CMTM4: variants seen among roughly 807,000 people sequenced by gnomAD.
CMTM4 encodes the protein CKLF-like MARVEL transmembrane domain-containing protein 4.
In CMTM4, 8 loss-of-function variants were observed where a neutral mutation model predicts 19.0. That is an observed-to-expected ratio of 0.42 (90% CI 0.25 to 0.76). The LOEUF is 0.76. CMTM4 is among the 30% of genes least tolerant of loss of function. The probability of loss-of-function intolerance (pLI) is 0.27; values close to 1 mark genes in which losing one functional copy is unlikely to be tolerated. For missense variants in CMTM4, 228 were observed against 290.2 expected, an observed-to-expected ratio of 0.79 and a Z score of 1.56; for synonymous variants, 106 against 121.1, an observed-to-expected ratio of 0.88 and a Z score of 0.82.
intron 1 of CMTM4, among the ~76,000 whole-genome samples, chr16:66,689,208 TG>T (rs946004109): frequency 1.3e-5 from 2 of 152,230 alleles, no homozygotes; most frequent in Non-Finnish European, 1.5e-5. Context: ...TTTCCCATCA[TG>T]GGGGAAAGCA....
chr16:66,663,482 T>C (rs1380354492), intron 1 of CMTM4, among the ~76,000 whole-genome samples: 2 of 148,436 alleles, frequency 1.3e-5, no homozygotes, highest in African/African-American at 4.9e-5. Context: ...ATCCAGCCCA[T>C]CCATTTTTAT....
chr16:66,662,195 T>G (rs1284081156), intron 1 of CMTM4, among the ~76,000 whole-genome samples: 2 of 152,230 alleles, frequency 1.3e-5, no homozygotes, highest in Non-Finnish European at 2.9e-5. Flanking sequence ...CACTGAATGC[T>G]GCTATCAAAC....
chr16:66,676,931 C>T (rs527701703), intron 1 of CMTM4, among the ~76,000 whole-genome samples: 11 of 152,304 alleles, frequency 7.2e-5, no homozygotes, highest in Admixed American at 3.9e-4. Flanking sequence ...AGTGCTTCAT[C>T]GCAGGACACC....
At chr16:66,655,518 C>CAT (rs1483527354) in intron 1 of CMTM4, among the ~76,000 whole-genome samples, 1 of 147,922 alleles carries the variant, frequency 6.8e-6, no homozygotes, top group African/African-American at 2.5e-5. Flanking sequence ...AGGACAGAAA[C>CAT]GTGTGTGTGT....
In CMTM4 at chr16:66,620,212, A is replaced by G; in HGVS notation, c.*1846T>C. 2.0e-6 allele frequency: 2 copies of G among 985,398 alleles called. No individual in the cohort carries two copies. Among genetic ancestry groups the G allele is most frequent in the Non-Finnish European group, 2.4e-6 (2 of 829,934 alleles). The allele number at this position is 985,398 out of a possible 1,614,324, so 61.0% of individuals were successfully genotyped here. A position where few individuals can be genotyped will look rare whatever the true frequency, so the allele number is the denominator to read the frequency against. ...TGCAAGGCTGAGCCTTTGTGGCCCTATTTTAAAAGGAACTCTCAAAGAGAG... is the reference window on the plus strand; with the variant it reads ...TGCAAGGCTGAGCCTTTGTGGCCCTGTTTTAAAAGGAACTCTCAAAGAGAG... On this transcript the variant is annotated 3_prime_UTR_variant, in exon 4 of 4. Coordinates refer to ENST00000394106, the MANE Select transcript of CMTM4 (RefSeq NM_181521.3).
chr16:66,615,754 G>C lies in CMTM4; in HGVS notation c.*6304C>G, dbSNP rs1243991274. Reference sequence around the variant, plus strand: ...GCCCAAACCACAGGGGAAGGAGCCGGACACCGGCCTCTCACCATTTTACAC... The same window carrying C: ...GCCCAAACCACAGGGGAAGGAGCCGCACACCGGCCTCTCACCATTTTACAC... On this transcript the variant is annotated 3_prime_UTR_variant, in exon 4 of 4. Coordinates refer to ENST00000394106, the MANE Select transcript of CMTM4 (RefSeq NM_181521.3). The surrounding 1 kb of genome is among the most constrained non-coding windows in gnomAD (Gnocchi z 4.9). The C allele has an allele frequency of 6.6e-6, 1 of 152,236 alleles. No homozygotes were observed. Among genetic ancestry groups the C allele is most frequent in the African/African-American group, 2.4e-5 (1 of 41,450 alleles). The allele number at this position is 152,236 out of a possible 1,614,324, so 9.4% of individuals were successfully genotyped here.
At chr16:66,675,387 G>A (rs2016792295) in intron 1 of CMTM4, among the ~76,000 whole-genome samples, 1 of 145,622 alleles carries the variant, frequency 6.9e-6, no homozygotes, top group African/African-American at 2.5e-5. Context: ...CCAACAGCCA[G>A]AATTTTAACA....
At chr16:66,680,156 C>G (rs1209290206) in intron 1 of CMTM4, among the ~76,000 whole-genome samples, 1 of 152,176 alleles carries the variant, frequency 6.6e-6, no homozygotes, top group Non-Finnish European at 1.5e-5. Context: ...ATTTAATGTA[C>G]TGTAAACTAA....
At chr16:66,674,799 T>C (rs2016778208) in intron 1 of CMTM4, among the ~76,000 whole-genome samples, 1 of 142,312 alleles carries the variant, frequency 7.0e-6, no homozygotes, top group Admixed American at 7.7e-5. Context: ...TGGAGTGCAG[T>C]GGCACAGTCT....
chr16:66,602,481 T>TA, the CMTM4 span, among the ~76,000 whole-genome samples: 739 of 151,208 alleles, frequency 4.9e-3, 5 homozygotes, highest in African/African-American at 0.015. Context: ...TACCCAAGGG[T>TA]AAAAAAAAAC....
chr16:66,655,270 T>C (rs1452115721), intron 1 of CMTM4, among the ~76,000 whole-genome samples: 1 of 152,132 alleles, frequency 6.6e-6, no homozygotes, highest in Non-Finnish European at 1.5e-5. Context: ...TGCGCCCAGC[T>C]GAACTTATTT....
In CMTM4 at chr16:66,642,343, C is replaced by T. The variant is rs747227303; in HGVS notation, c.187-5762G>A. Among the ~76,000 whole-genome samples, 11 of 152,272 alleles carry T rather than the reference C, an allele frequency of 7.2e-5. No homozygotes were observed. The South Asian group carries it at 1.7e-3, about 23-fold the overall frequency. ...AAAACTTTTTTGTTTACTAATCATG[C>T]GATTATGGATGCCCTTGGAGAGAGT... On this transcript the variant is annotated intron_variant, in intron 1 of 3. Coordinates refer to ENST00000394106, the MANE Select transcript of CMTM4 (RefSeq NM_181521.3).
intron 1 of CMTM4, among the ~76,000 whole-genome samples, chr16:66,667,142 T>C (rs2016610149): frequency 6.6e-6 from 1 of 151,986 alleles, no homozygotes; most frequent in South Asian, 2.1e-4. Context: ...CTGGCCAACA[T>C]GGCAAAATCC....
chr16:66,612,278 C>G (rs529572029), downstream of CMTM4, among the ~76,000 whole-genome samples: 1 of 152,058 alleles, frequency 6.6e-6, no homozygotes, highest in Non-Finnish European at 1.5e-5. This position sits in a 1 kb window ranked among gnomAD's most constrained non-coding sequence, Gnocchi z 6.0. Context: ...TGGTGGCACA[C>G]GCTTATAATC....
At chr16:66,643,910 C>G (rs1035416970) in intron 1 of CMTM4, among the ~76,000 whole-genome samples, 4 of 152,122 alleles carry the variant, frequency 2.6e-5, no homozygotes, top group African/African-American at 9.7e-5. Flanking sequence ...CCCACCACCA[C>G]ACCCAGCTAG....
At chr16:66,695,500 T>G (rs1488426946) in intron 1 of CMTM4, among the ~76,000 whole-genome samples, 1 of 152,108 alleles carries the variant, frequency 6.6e-6, no homozygotes, top group Non-Finnish European at 1.5e-5. Context: ...ACAACAGAGC[T>G]AAGCAATTGC....
intron 1 of CMTM4, among the ~76,000 whole-genome samples, chr16:66,681,148 G>A (rs542515738): frequency 6.6e-6 from 1 of 152,118 alleles, no homozygotes; most frequent in African/African-American, 2.4e-5. Flanking sequence ...CTAGTACTTT[G>A]GGAGGCTGAG....
At chr16:66,692,780 G>A (rs1449027361) in intron 1 of CMTM4, among the ~76,000 whole-genome samples, 2 of 151,994 alleles carry the variant, frequency 1.3e-5, no homozygotes, top group South Asian at 2.1e-4. Flanking sequence ...GCTAGTGGGC[G>A]CCTGTAATCC....
chr16:66,631,212 T>TG (rs1367664271), intron 2 of CMTM4, among the ~76,000 whole-genome samples: 3 of 102,412 alleles, frequency 2.9e-5, no homozygotes, highest in African/African-American at 1.3e-4. Flanking sequence ...GGGAGGGAGG[T>TG]GGGGGGTCAG....
Sources: gnomAD v4.1 joint callset for allele counts (sites outside exome capture counted in the v4.1 genomes callset) on GRCh38, gnomAD v4.1.1 for gene constraint, Gnocchi (gnomAD v3.1) non-coding constraint, MANE v1.5 for transcripts, NCBI Gene and HGNC (gene_info 2026-07-23, HGNC 2026-07-21) for gene names.